TAOK3: variants seen among roughly 807,000 people sequenced by gnomAD.
The protein encoded by TAOK3 is TAO kinase 3.
A neutral mutation model predicts 120.4 loss-of-function variants in TAOK3; 40 were observed. That is an observed-to-expected ratio of 0.33 (90% CI 0.26 to 0.43). The LOEUF is 0.43. TAOK3 is among the 20% of genes least tolerant of loss of function. TAOK3 has a pLI of 1.00. For synonymous variants in TAOK3, 355 were observed against 387.5 expected (o/e 0.92, Z 0.99); for missense variants, 821 against 1,112.1 (o/e 0.74, Z 3.72).
intron 13 of TAOK3, among the ~76,000 whole-genome samples, chr12:118,197,922 C>T (rs1224080132): frequency 6.6e-6 from 1 of 152,048 alleles, no homozygotes; most frequent in Non-Finnish European, 1.5e-5. Context: ...CTCCTGACCT[C>T]GTGATCCGCC....
intron 20 of TAOK3, 121 bp from the exon 21 acceptor site, chr12:118,151,279 G>T: frequency 2.1e-6 from 1 of 486,340 alleles, no homozygotes; most frequent in East Asian, 3.2e-5. Context: ...CACATGAAGT[G>T]CGCGCGCGCG....
At chr12:118,348,272 T>C (rs191295042) in intron 1 of TAOK3, among the ~76,000 whole-genome samples, 2 of 152,336 alleles carry the variant, frequency 1.3e-5, no homozygotes, top group East Asian at 3.9e-4. Context: ...TTAAAGGACA[T>C]GGACCTTTCT....
intron 13 of TAOK3, 43 bp downstream of exon 13, chr12:118,199,008 G>A: frequency 6.2e-7 from 1 of 1,606,968 alleles, no homozygotes; most frequent in Non-Finnish European, 8.5e-7. Flanking sequence ...GATTCGCTAT[G>A]ATTGACAAAG....
chr12:118,181,065 G>A (rs999241042), intron 15 of TAOK3, among the ~76,000 whole-genome samples: 1 of 151,878 alleles, frequency 6.6e-6, no homozygotes, highest in Non-Finnish European at 1.5e-5. Context: ...GGCTGGTCTC[G>A]AACTCCTGAC....
At chr12:118,308,968 G>T (rs993601316) in intron 1 of TAOK3, among the ~76,000 whole-genome samples, 1 of 144,166 alleles carries the variant, frequency 6.9e-6, no homozygotes, top group Admixed American at 7.0e-5. Flanking sequence ...AAGCCTGTAT[G>T]GTTGTAATTA....
chr12:118,186,363 A>G (rs1371906111), intron 14 of TAOK3, among the ~76,000 whole-genome samples: 1 of 152,174 alleles, frequency 6.6e-6, no homozygotes, highest in Admixed American at 6.5e-5. Context: ...ACTCTGATAG[A>G]TACACTGCTC....
chr12:118,179,529 A>G (rs1478365753), intron 15 of TAOK3, among the ~76,000 whole-genome samples: 1 of 152,168 alleles, frequency 6.6e-6, no homozygotes, highest in African/African-American at 2.4e-5. Context: ...GCACACCAAC[A>G]TGGCAGATGT....
chr12:118,202,168 T>C (rs1443138302), intron 11 of TAOK3, among the ~76,000 whole-genome samples: 2 of 148,756 alleles, frequency 1.3e-5, no homozygotes, highest in Admixed American at 6.7e-5. Flanking sequence ...TAAACAAATA[T>C]ATAATAAATA....
At chr12:118,172,690 C>G (rs1336421991) in intron 16 of TAOK3, 30 bp from the exon 17 acceptor site, 5 of 1,594,100 alleles carry the variant, frequency 3.1e-6, no homozygotes, top group African/African-American at 1.3e-5. Context: ...ACCAAGCCAG[C>G]CTTACTAAAT....
In TAOK3 at chr12:118,305,337, C is replaced by T. The variant is rs187020026; in HGVS notation, c.-193-38578G>A. Reference sequence around the variant, plus strand: ...CTCTACTAAAAATACAAAAATTAGCCGGGCATGCATCTGTAATTCTAGCTA... The same window carrying T: ...CTCTACTAAAAATACAAAAATTAGCTGGGCATGCATCTGTAATTCTAGCTA... On this transcript the variant is annotated intron_variant, in intron 1 of 20. Transcript: ENST00000392533. Among the ~76,000 whole-genome samples the T allele has an allele frequency of 3.6e-3, 548 of 151,856 alleles. 1 individual carries two copies. The highest frequency in any genetic ancestry group is 0.012 in the African/African-American group (505 of 41,422).
At chr12:118,210,745 T>TC (rs2038582406) in intron 11 of TAOK3, among the ~76,000 whole-genome samples, 1 of 150,402 alleles carries the variant, frequency 6.6e-6, no homozygotes, top group Non-Finnish European at 1.5e-5. Context: ...TTTTTCTTTT[T>TC]TTTTTTTTTT....
chr12:118,227,514 A>G (rs945617068), intron 9 of TAOK3, among the ~76,000 whole-genome samples: 1 of 152,066 alleles, frequency 6.6e-6, no homozygotes, highest in African/African-American at 2.4e-5. Context: ...AATCCTATAT[A>G]TGAATACAAT....
At chr12:118,264,437 G>A (rs2140249229) in intron 2 of TAOK3, among the ~76,000 whole-genome samples, 1 of 152,286 alleles carries the variant, frequency 6.6e-6, no homozygotes, top group Admixed American at 6.5e-5. Context: ...AAAATATGCT[G>A]TGTAAAAGAA....
At chr12:118,245,069 G>T in intron 3 of TAOK3, 104 bp from the exon 4 acceptor site, 1 of 701,892 alleles carries the variant, frequency 1.4e-6, no homozygotes, top group Non-Finnish European at 2.2e-6. Context: ...TTTATTTATT[G>T]ACAGTCTCAT....
intron 15 of TAOK3, among the ~76,000 whole-genome samples, chr12:118,177,658 G>T (rs975876700): frequency 6.6e-6 from 1 of 151,740 alleles, no homozygotes; most frequent in Non-Finnish European, 1.5e-5. Flanking sequence ...ACCCAGTCTC[G>T]ACTAAAAGTA....
At chr12:118,339,538 A>G (rs2044522221) in intron 1 of TAOK3, among the ~76,000 whole-genome samples, 1 of 151,684 alleles carries the variant, frequency 6.6e-6, no homozygotes, top group African/African-American at 2.4e-5. Context: ...GAGGGCTTTG[A>G]AAGAGAGATA....
intron 14 of TAOK3, among the ~76,000 whole-genome samples, chr12:118,184,689 G>A (rs1393244655): frequency 6.6e-6 from 1 of 152,150 alleles, no homozygotes; most frequent in African/African-American, 2.4e-5. Flanking sequence ...GTCTGAAATG[G>A]GAGAAAGTTA....
intron 1 of TAOK3, among the ~76,000 whole-genome samples, chr12:118,360,363 C>A (rs931407339): frequency 6.6e-6 from 1 of 150,850 alleles, no homozygotes; most frequent in Non-Finnish European, 1.5e-5. Context: ...GTCAGGAGAT[C>A]GACACCATCC....
At chr12:118,244,210 C>A (rs2040376373) in intron 4 of TAOK3, among the ~76,000 whole-genome samples, 1 of 152,102 alleles carries the variant, frequency 6.6e-6, no homozygotes, top group Non-Finnish European at 1.5e-5. Context: ...TACAGGCACA[C>A]ACCACCACAC....
Sources: allele counts gnomAD v4.1 joint callset (sites outside exome capture counted in the v4.1 genomes callset), GRCh38; gene constraint gnomAD v4.1.1; transcripts MANE v1.5; gene names NCBI Gene and HGNC (gene_info 2026-07-23, HGNC 2026-07-21).